The following SPTBN1 variants were observed in gnomAD, a reference collection of about 807,000 sequenced individuals.
SPTBN1 encodes the protein spectrin beta, non-erythrocytic 1.
In SPTBN1, 32 loss-of-function variants were observed where a neutral mutation model predicts 266.4. The ratio of observed to expected loss-of-function variants is 0.12; its 90% CI spans 0.09 to 0.16. The LOEUF (loss-of-function observed/expected upper bound fraction) is 0.16. SPTBN1 is among the 10% of genes least tolerant of loss of function. SPTBN1 has a pLI of 1.00. For missense variants in SPTBN1, 2,296 were observed against 3,067.1 expected (o/e 0.75, Z 5.94); for synonymous variants, 1,336 against 1,162.2 (o/e 1.15, Z -3.04).
intron 1 of SPTBN1, among the ~76,000 whole-genome samples, chr2:54,487,797 G>A (rs796573554): frequency 7.3e-6 from 1 of 136,344 alleles, no homozygotes; most frequent in Non-Finnish European, 1.6e-5. Context: ...TTTTAATATA[G>A]TGATATTAAT....
At chr2:54,668,089 T>C (rs1365459571) in intron 35 of SPTBN1, among the ~76,000 whole-genome samples, 1 of 152,228 alleles carries the variant, frequency 6.6e-6, no homozygotes, top group Non-Finnish European at 1.5e-5. Flanking sequence ...TCTGACCACC[T>C]CACAGATTGA....
chr2:54,611,181 C>A (rs1404740280), intron 3 of SPTBN1, among the ~76,000 whole-genome samples: 1 of 152,120 alleles, frequency 6.6e-6, no homozygotes, highest in African/African-American at 2.4e-5. Context: ...ATATTTTATG[C>A]ATTCATGACA....
chr2:54,485,480 C>G (rs1432957484), intron 1 of SPTBN1, among the ~76,000 whole-genome samples: 1 of 152,226 alleles, frequency 6.6e-6, no homozygotes, highest in Non-Finnish European at 1.5e-5. Context: ...GACGGAGTCT[C>G]GTTCACTCAG....
At chr2:54,647,633 G>T (rs1680006897) in intron 24 of SPTBN1, among the ~76,000 whole-genome samples, 1 of 152,012 alleles carries the variant, frequency 6.6e-6, no homozygotes, top group Non-Finnish European at 1.5e-5. Context: ...GAGCCCAGGG[G>T]GCCAAAGACC....
chr2:54,471,800 A>ATTTTTTTGTTTTTTTTTTT (rs1693934147), intron 1 of SPTBN1, among the ~76,000 whole-genome samples: 1 of 102,718 alleles, frequency 9.7e-6, no homozygotes, highest in Non-Finnish European at 1.9e-5. Context: ...TTTTTTATCG[A>ATTTTTTTGTTTTTTTTTTT]TTTTTTTTTT....
At chr2:54,625,851 A>T (rs552362459) in intron 11 of SPTBN1, 81 bp from the exon 12 acceptor site, 1 of 1,485,518 alleles carries the variant, frequency 6.7e-7, no homozygotes, top group Admixed American at 2.1e-5. Flanking sequence ...TCGGCCTCCC[A>T]AAGTGCTGGG....
chr2:54,641,662 C>T (rs1325276911), intron 18 of SPTBN1, among the ~76,000 whole-genome samples: 1 of 152,030 alleles, frequency 6.6e-6, no homozygotes, highest in Non-Finnish European at 1.5e-5. Flanking sequence ...TGCTTTTAAC[C>T]CCCTCCCACC....
chr2:54,622,464 C>T lies in SPTBN1; in HGVS notation c.1041C>T (p.Tyr347=), dbSNP rs1194051487. The change falls in exon 9 of 36, where the codon TAC becomes TAT. Residue 347 remains tyrosine, a synonymous_variant. Transcript: ENST00000356805. The part of the protein sequence containing the change: ...VQQQLQAFNT[Y]RTVEKPPKFT... ...AGCAGCTTCAGGCATTCAACACTTACCGCACTGTGGAGAAACCACCCAAGT... is the reference window on the plus strand; with the variant it reads ...AGCAGCTTCAGGCATTCAACACTTATCGCACTGTGGAGAAACCACCCAAGT... 1.1e-5 allele frequency: 17 copies of T among 1,614,148 alleles called. No individual in the cohort carries two copies. Among genetic ancestry groups the T allele is most frequent in the African/African-American group, 1.3e-5 (1 of 75,032 alleles).
At chr2:54,644,698 A>AT (rs1269810333) in intron 20 of SPTBN1, 112 bp downstream of exon 20, 6 of 1,385,190 alleles carry the variant, frequency 4.3e-6, no homozygotes, top group African/African-American at 1.4e-5. Context: ...ATGGGAAGGC[A>AT]TTTTTAACCC....
rs987262924 is a variant in SPTBN1, at chr2:54,554,258, G to A, written c.148+27692G>A. Among the ~76,000 whole-genome samples, 5 of 152,182 alleles carry A rather than the reference G, an allele frequency of 3.3e-5. No individual in the cohort carries two copies. Among genetic ancestry groups the A allele is most frequent in the Non-Finnish European group, 7.3e-5 (5 of 68,032 alleles). ...GCAGAGGTGGGGAGATGGGGAGCAC[G>A]CTGACTTGGTGGATCTGGGGTCCAT... On this transcript the variant is annotated intron_variant, in intron 2 of 35. Transcript: ENST00000356805. The surrounding 1 kb of genome is among the most constrained non-coding windows in gnomAD (Gnocchi z 4.5).
chr2:54,562,095 T>C (rs12713262), intron 2 of SPTBN1, among the ~76,000 whole-genome samples: 44,762 of 152,130 alleles, frequency 0.29, 9,275 homozygotes, highest in African/African-American at 0.59. Flanking sequence ...TCATGTATCG[T>C]ATAAAGTTGT....
chr2:54,590,003 G>A (rs1675561428), intron 2 of SPTBN1, among the ~76,000 whole-genome samples: 1 of 152,016 alleles, frequency 6.6e-6, no homozygotes, highest in Non-Finnish European at 1.5e-5. Context: ...GACCTGATTG[G>A]GTCATGTTTA....
chr2:54,525,331 C>T (rs1418881983), intron 1 of SPTBN1, among the ~76,000 whole-genome samples: 3 of 151,988 alleles, frequency 2.0e-5, no homozygotes, highest in Non-Finnish European at 2.9e-5. Flanking sequence ...CCAAAACCTC[C>T]GGCTCCTCGG....
At chr2:54,557,127 T>C (rs914811323) in intron 2 of SPTBN1, among the ~76,000 whole-genome samples, 2 of 152,212 alleles carry the variant, frequency 1.3e-5, no homozygotes, top group South Asian at 2.1e-4. Context: ...AACCTAGTTA[T>C]GTGGCTGGAA....
At chr2:54,489,608 A>C (rs1668580148) in intron 1 of SPTBN1, among the ~76,000 whole-genome samples, 1 of 152,182 alleles carries the variant, frequency 6.6e-6, no homozygotes, top group East Asian at 1.9e-4. Flanking sequence ...CTGAGGCATG[A>C]GAATCACTTG....
chr2:54,463,360 A>G (rs1359846234), intron 1 of SPTBN1, among the ~76,000 whole-genome samples: 1 of 152,284 alleles, frequency 6.6e-6, no homozygotes, highest in Non-Finnish European at 1.5e-5. Context: ...TGGGAAGAGT[A>G]TCAGTTTTGC....
At chr2:54,484,803 G>A (rs190286217) in intron 1 of SPTBN1, among the ~76,000 whole-genome samples, 2 of 152,302 alleles carry the variant, frequency 1.3e-5, no homozygotes, top group African/African-American at 4.8e-5. Context: ...AAGGCGCAAT[G>A]TGGCTCATTC....
Position 54,649,209 on chromosome 2 carries a change from G to A in SPTBN1, c.5202+19G>A, listed in dbSNP as rs763058940. The A allele has an allele frequency of 9.5e-6, 15 of 1,582,276 alleles. No individual in the cohort carries two copies. In the South Asian group the frequency reaches 1.6e-4, roughly 17 times the overall value. ...TGTCACGGCAAGTACTTGAGGCAGT[G>A]CATGAGTTGGTTGTGCAGTAAGCGA... is the stretch of plus-strand genomic sequence containing the variant. On this transcript the variant is annotated intron_variant, in intron 25 of 35. Coordinates refer to ENST00000356805, the MANE Select transcript of SPTBN1 (RefSeq NM_003128.3). This position sits in a 1 kb window ranked among gnomAD's most constrained non-coding sequence, Gnocchi z 6.7.
intron 1 of SPTBN1, among the ~76,000 whole-genome samples, chr2:54,496,306 C>G (rs1038294544): frequency 1.6e-4 from 24 of 151,854 alleles, no homozygotes; most frequent in Non-Finnish European, 3.4e-4. Flanking sequence ...GGCATGTTGG[C>G]GGGCGCCTGT....
Sources: allele counts gnomAD v4.1 joint callset (sites outside exome capture counted in the v4.1 genomes callset), GRCh38; gene constraint gnomAD v4.1.1; non-coding constraint Gnocchi (gnomAD v3.1); transcripts MANE v1.5; gene names NCBI Gene and HGNC (gene_info 2026-07-23, HGNC 2026-07-21).